RIMS1: variants seen among roughly 807,000 people sequenced by gnomAD.
RIMS1 encodes regulating synaptic membrane exocytosis 1.
RIMS1 carries 83 observed loss-of-function variants against 214.1 expected under a neutral mutation model. The ratio of observed to expected loss-of-function variants is 0.39; its 90% CI spans 0.32 to 0.47. RIMS1 has a LOEUF of 0.47. Among genes scored for constraint, RIMS1 ranks in the 20% least tolerant of loss-of-function variants. The pLI, the probability that RIMS1 is intolerant of heterozygous loss-of-function variation, is 0.99. For missense variants in RIMS1, 2,050 were observed against 2,161.8 expected, an observed-to-expected ratio of 0.95 and a Z score of 1.03; for synonymous variants, 793 against 786.8, an observed-to-expected ratio of 1.01 and a Z score of -0.13.
At chr6:72,010,525 A>T (rs1191680265) in intron 2 of RIMS1, among the ~76,000 whole-genome samples, 1 of 152,228 alleles carries the variant, frequency 6.6e-6, no homozygotes, top group Non-Finnish European at 1.5e-5. Context: ...AATTAGGAAA[A>T]GAGGAAGTCA....
At chr6:72,079,028 A>G (rs908308442) in intron 2 of RIMS1, among the ~76,000 whole-genome samples, 5 of 152,158 alleles carry the variant, frequency 3.3e-5, no homozygotes, top group African/African-American at 1.2e-4. Flanking sequence ...CAAACAGAAA[A>G]AGATGATTTA....
At chr6:72,141,458 C>A (rs2042070257) in intron 4 of RIMS1, among the ~76,000 whole-genome samples, 1 of 151,886 alleles carries the variant, frequency 6.6e-6, no homozygotes, top group South Asian at 2.1e-4. Context: ...TATTGTGACA[C>A]TTGGTAAATT....
At chr6:72,296,885 A>G (rs1005533417) in intron 26 of RIMS1, among the ~76,000 whole-genome samples, 1 of 151,874 alleles carries the variant, frequency 6.6e-6, no homozygotes, top group African/African-American at 2.4e-5. Context: ...TGTCAGTAGT[A>G]GACTACAAAC....
At chr6:72,267,621 T>C (rs2081196929) in intron 22 of RIMS1, among the ~76,000 whole-genome samples, 1 of 152,176 alleles carries the variant, frequency 6.6e-6, no homozygotes, top group Non-Finnish European at 1.5e-5. Context: ...ACTCCCACTT[T>C]GGACTAACCA....
At chr6:71,901,496 A>G (rs1156887739) in intron 1 of RIMS1, among the ~76,000 whole-genome samples, 1 of 152,116 alleles carries the variant, frequency 6.6e-6, no homozygotes, top group Non-Finnish European at 1.5e-5. Context: ...TATGGTAGAT[A>G]GGAAAAGCCA....
intron 4 of RIMS1, among the ~76,000 whole-genome samples, chr6:72,128,224 AAAGT>A (rs2039904054): frequency 1.3e-5 from 2 of 152,118 alleles, no homozygotes; most frequent in Admixed American, 6.6e-5. Context: ...AAAGCTGGCA[AAAGT>A]CTTATTTAAC....
At chr6:71,996,693 A>G (rs9446528) in intron 2 of RIMS1, among the ~76,000 whole-genome samples, 2,027 of 152,296 alleles carry the variant, frequency 0.013, 43 homozygotes, top group African/African-American at 0.046. Context: ...AGGGACTGTG[A>G]AGGTACACAC....
intron 6 of RIMS1, among the ~76,000 whole-genome samples, chr6:72,203,601 A>G (rs1296225960): frequency 1.3e-5 from 2 of 152,224 alleles, no homozygotes; most frequent in South Asian, 4.1e-4. Context: ...GGGTTGGATT[A>G]GATCAGTGAT....
intron 26 of RIMS1, among the ~76,000 whole-genome samples, chr6:72,292,670 G>C (rs2093576770): frequency 6.6e-6 from 1 of 152,090 alleles, no homozygotes; most frequent in Non-Finnish European, 1.5e-5. Context: ...ACCTGAGCTA[G>C]ATGATTTAGA....
At chr6:72,219,033 G>A (rs1412023696) in intron 6 of RIMS1, among the ~76,000 whole-genome samples, 1 of 152,122 alleles carries the variant, frequency 6.6e-6, no homozygotes, top group Non-Finnish European at 1.5e-5. Context: ...GGAGGGTTCT[G>A]TTAGAGAAAT....
intron 1 of RIMS1, among the ~76,000 whole-genome samples, chr6:71,935,855 G>T (rs549460370): frequency 6.6e-6 from 1 of 152,156 alleles, no homozygotes; most frequent in Non-Finnish European, 1.5e-5. Context: ...TATGGACATA[G>T]AAATTTTCCT....
At chr6:72,308,427 C>A (rs954505277) in intron 27 of RIMS1, among the ~76,000 whole-genome samples, 3 of 152,002 alleles carry the variant, frequency 2.0e-5, no homozygotes. Context: ...TCAACAAACT[C>A]TTTGGGAGGT....
chr6:72,356,815 G>T (rs1289109515), intron 29 of RIMS1, among the ~76,000 whole-genome samples: 1 of 151,874 alleles, frequency 6.6e-6, no homozygotes, highest in African/African-American at 2.4e-5. Flanking sequence ...TTAGCCTTCT[G>T]CTTATCATAT....
At chr6:72,304,718 T>C (rs2094973856) in intron 26 of RIMS1, among the ~76,000 whole-genome samples, 1 of 151,930 alleles carries the variant, frequency 6.6e-6, no homozygotes, top group Admixed American at 6.6e-5. Flanking sequence ...GTATAAACAG[T>C]TATTTCAGAA....
At chr6:72,168,743 T>A (rs1032745823) in intron 4 of RIMS1, among the ~76,000 whole-genome samples, 1 of 88,150 alleles carries the variant, frequency 1.1e-5, no homozygotes, top group Non-Finnish European at 2.4e-5. Context: ...TTTTTTTTTT[T>A]CTAGTGGGAG....
At chr6:71,915,960 A>T (rs554894140) in intron 1 of RIMS1, among the ~76,000 whole-genome samples, 43 of 152,164 alleles carry the variant, frequency 2.8e-4, no homozygotes. Context: ...AGACTTATTC[A>T]TTATCATGAG....
chr6:71,996,806 G>GA (rs1406118954), intron 2 of RIMS1, among the ~76,000 whole-genome samples: 1 of 151,778 alleles, frequency 6.6e-6, no homozygotes, highest in Admixed American at 6.6e-5. Flanking sequence ...ATTTCCTGGG[G>GA]AAAAAAAGGA....
chr6:71,999,968 C>G (rs1461115058), intron 2 of RIMS1, among the ~76,000 whole-genome samples: 1 of 152,064 alleles, frequency 6.6e-6, no homozygotes, highest in Non-Finnish European at 1.5e-5. Flanking sequence ...TTGAAATACT[C>G]TCTACCAGAT....
intron 4 of RIMS1, among the ~76,000 whole-genome samples, chr6:72,166,348 C>T (rs1193589700): frequency 6.6e-6 from 1 of 150,820 alleles, no homozygotes; most frequent in Non-Finnish European, 1.5e-5. Flanking sequence ...TAGGCCTACA[C>T]CTGTATGACC....
Sources: allele counts gnomAD v4.1 joint callset (sites outside exome capture counted in the v4.1 genomes callset), GRCh38; gene constraint gnomAD v4.1.1; transcripts MANE v1.5; gene names NCBI Gene and HGNC (gene_info 2026-07-23, HGNC 2026-07-21).